STK24: variants seen among roughly 807,000 people sequenced by gnomAD.
The protein encoded by STK24 is serine/threonine-protein kinase 24.
A neutral mutation model predicts 55.6 loss-of-function variants in STK24; 21 were observed. That is an observed-to-expected ratio of 0.38 (90% CI 0.27 to 0.54). The LOEUF (loss-of-function observed/expected upper bound fraction) is 0.54. Among genes scored for constraint, STK24 ranks in the 20% least tolerant of loss-of-function variants. STK24 has a pLI of 0.79. For synonymous variants in STK24, 200 were observed against 215.2 expected, an observed-to-expected ratio of 0.93 and a Z score of 0.62; for missense variants, 383 against 538.4, an observed-to-expected ratio of 0.71 and a Z score of 2.86.
intron 9 of STK24, among the ~76,000 whole-genome samples, chr13:98,459,721 T>C (rs1383869081): frequency 6.6e-6 from 1 of 152,190 alleles, no homozygotes; most frequent in African/African-American, 2.4e-5. Context: ...CCACAGTGAG[T>C]ACCTCAAAGG....
intron 2 of STK24, among the ~76,000 whole-genome samples, chr13:98,491,724 C>G (rs980712539): frequency 4.7e-5 from 7 of 148,606 alleles, no homozygotes; most frequent in African/African-American, 1.7e-4. Context: ...GTGTTCAATC[C>G]AAAAGTCTAA....
In STK24 at chr13:98,447,907, C is replaced by T. The variant is rs1248229821; in HGVS notation, c.*5266G>A. The T allele has an allele frequency of 4.1e-5, 15 of 361,848 alleles. No homozygotes were observed. Among genetic ancestry groups the T allele is most frequent in the Non-Finnish European group, 5.1e-5 (10 of 196,864 alleles). The allele number at this position is 361,848 out of a possible 1,614,324, so 22.4% of individuals were successfully genotyped here. A position where few individuals can be genotyped will look rare whatever the true frequency, so the allele number is the denominator to read the frequency against. On this transcript the variant is annotated 3_prime_UTR_variant, in exon 11 of 11. Coordinates refer to ENST00000539966, the MANE Select transcript of STK24 (RefSeq NM_001032296.4). ...CCACTAAGCAGGATGGGACACGTCC[C>T]GCCATTCTCTGCCATGTCCATGAAA...
intron 1 of STK24, among the ~76,000 whole-genome samples, chr13:98,556,815 C>T (rs963295038): frequency 3.9e-5 from 6 of 152,192 alleles, no homozygotes; most frequent in Admixed American, 3.9e-4. Context: ...GGACCCACTT[C>T]GGAAGTGACC....
At chr13:98,458,904 T>TA (rs1203433844) in intron 9 of STK24, among the ~76,000 whole-genome samples, 1 of 152,172 alleles carries the variant, frequency 6.6e-6, no homozygotes, top group Non-Finnish European at 1.5e-5. Context: ...TAATACACAA[T>TA]AAACACTCTG....
intron 1 of STK24, among the ~76,000 whole-genome samples, chr13:98,557,154 A>G (rs945785): frequency 0.99 from 150,136 of 152,250 alleles, 74,058 homozygotes; most frequent in East Asian, 1. Flanking sequence ...TCTGAAACAC[A>G]GGCTACTCCC....
At chr13:98,525,049 G>C (rs574117665) in intron 1 of STK24, among the ~76,000 whole-genome samples, 1 of 152,352 alleles carries the variant, frequency 6.6e-6, no homozygotes, top group East Asian at 1.9e-4. Context: ...GGTTCCCTGC[G>C]CGGGCAGCCC....
At chr13:98,531,363 G>A (rs1231477008) in intron 1 of STK24, among the ~76,000 whole-genome samples, 1 of 152,146 alleles carries the variant, frequency 6.6e-6, no homozygotes, top group Non-Finnish European at 1.5e-5. Flanking sequence ...TAAAAACCAA[G>A]TGCTCTTTTG....
At chr13:98,508,503 C>T (rs148151607) in intron 2 of STK24, among the ~76,000 whole-genome samples, 2 of 152,332 alleles carry the variant, frequency 1.3e-5, no homozygotes, top group African/African-American at 4.8e-5. Context: ...ATGCAACTTA[C>T]ACCACAAGCC....
At chr13:98,495,584 T>C (rs1364617437) in intron 2 of STK24, among the ~76,000 whole-genome samples, 1 of 152,228 alleles carries the variant, frequency 6.6e-6, no homozygotes, top group Non-Finnish European at 1.5e-5. Flanking sequence ...TCCATTCAAC[T>C]TTCTGGACAG....
Position 98,446,063 on chromosome 13 carries a change from C to G in STK24, c.*7110G>C, listed in dbSNP as rs746853079. The G allele has an allele frequency of 8.3e-6, 12 of 1,446,028 alleles. No individual in the cohort carries two copies. In the African/African-American group the frequency reaches 1.5e-4, roughly 18 times the overall value. 89.6% of individuals were successfully genotyped at this position (1,446,028 alleles called of 1,614,324 possible). Reference sequence around the variant, plus strand: ...CTCTGTGCCCTCCTGGGGCAGGTGCCCGCTGTGCTTCTCACAGGCCTCCTT... The same window carrying G: ...CTCTGTGCCCTCCTGGGGCAGGTGCGCGCTGTGCTTCTCACAGGCCTCCTT... On this transcript the variant is annotated 3_prime_UTR_variant, in exon 11 of 11. Coordinates refer to ENST00000539966, the MANE Select transcript of STK24 (RefSeq NM_001032296.4).
intron 6 of STK24, among the ~76,000 whole-genome samples, chr13:98,465,119 C>T (rs1270777904): frequency 2.0e-5 from 3 of 152,234 alleles, no homozygotes; most frequent in African/African-American, 7.2e-5. Context: ...CCAAGGAAAC[C>T]AGCATGGCCC....
intron 1 of STK24, among the ~76,000 whole-genome samples, chr13:98,524,387 C>T (rs1192588777): frequency 6.6e-6 from 1 of 152,202 alleles, no homozygotes; most frequent in Non-Finnish European, 1.5e-5. Flanking sequence ...CCTCCATCAG[C>T]AGCATGTGGA....
intron 2 of STK24, among the ~76,000 whole-genome samples, chr13:98,494,044 G>A (rs1432089755): frequency 1.3e-5 from 2 of 149,950 alleles, no homozygotes; most frequent in Admixed American, 6.6e-5. Flanking sequence ...GGGCTTCACC[G>A]TGTTAGCCAG....
intron 3 of STK24, among the ~76,000 whole-genome samples, chr13:98,480,502 A>C (rs1301024485): frequency 1.3e-5 from 2 of 152,190 alleles, no homozygotes; most frequent in Non-Finnish European, 2.9e-5. Context: ...GAACCAAAAT[A>C]AGTTGTAAAA....
intron 1 of STK24, among the ~76,000 whole-genome samples, chr13:98,569,560 G>A (rs1485910905): frequency 6.6e-6 from 1 of 152,162 alleles, no homozygotes; most frequent in Admixed American, 6.5e-5. Context: ...AGGCACAGGT[G>A]CCACCCGAAC....
chr13:98,554,436 C>A (rs148679287), intron 1 of STK24, among the ~76,000 whole-genome samples: 49 of 152,328 alleles, frequency 3.2e-4, no homozygotes, highest in Non-Finnish European at 4.1e-4. Context: ...TCATTCCAGA[C>A]CTCCAGGTTA....
chr13:98,543,099 G>A (rs1332665050), intron 1 of STK24: 20 of 845,848 alleles, frequency 2.4e-5, no homozygotes, highest in Admixed American at 1.9e-4. Flanking sequence ...GCTCCGCTCC[G>A]GCTGGGAGGA....
intron 2 of STK24, among the ~76,000 whole-genome samples, chr13:98,492,076 CGTGTGTGTGTGTGT>C (rs56956881): frequency 1.0e-4 from 15 of 149,638 alleles, no homozygotes; most frequent in South Asian, 2.1e-4. Context: ...AGTGCGTGCG[CGTGTGTGTGTGTGT>C]GTGTGTGTGT....
chr13:98,477,180 A>T (rs1301330296), intron 3 of STK24, among the ~76,000 whole-genome samples: 1 of 152,266 alleles, frequency 6.6e-6, no homozygotes, highest in East Asian at 1.9e-4. Flanking sequence ...CACAATCAGG[A>T]AAACTATGCC....
Sources: allele counts gnomAD v4.1 joint callset (sites outside exome capture counted in the v4.1 genomes callset), GRCh38; gene constraint gnomAD v4.1.1; transcripts MANE v1.5; gene names NCBI Gene and HGNC (gene_info 2026-07-23, HGNC 2026-07-21).